Variants in ALPK2 observed in about 807,000 individuals in gnomAD.
ALPK2 encodes alpha kinase 2.
Under a neutral mutation model 163.1 loss-of-function variants are expected in ALPK2, and 127 were observed. That is an observed-to-expected ratio of 0.78 (90% CI 0.67 to 0.90). ALPK2 has a LOEUF of 0.90. ALPK2 is among the 40% of genes least tolerant of loss of function. ALPK2 has a pLI of 0.00. For synonymous variants in ALPK2, 953 were observed against 959.1 expected (o/e 0.99, Z 0.12); for missense variants, 2,360 against 2,589.6 (o/e 0.91, Z 1.92).
At chr18:58,550,497 A>C (rs377090268) in intron 4 of ALPK2, among the ~76,000 whole-genome samples, 3 of 4,012 alleles carry the variant, frequency 7.5e-4, no homozygotes, top group African/African-American at 1.3e-3. Flanking sequence ...ACCCCCATCT[A>C]TATCATATAC....
chr18:58,495,032 G>T (rs994094995), intron 12 of ALPK2, among the ~76,000 whole-genome samples: 1 of 104,324 alleles, frequency 9.6e-6, no homozygotes, highest in Admixed American at 1.1e-4. Flanking sequence ...CAAGCAGGCT[G>T]CCCCATGCCC....
At chr18:58,503,482 A>G (rs1181475462) in intron 11 of ALPK2, among the ~76,000 whole-genome samples, 3 of 152,226 alleles carry the variant, frequency 2.0e-5, no homozygotes, top group Non-Finnish European at 2.9e-5. Flanking sequence ...GCTAGAGCCC[A>G]GTAGTTCGAG....
chr18:58,542,331 CCTT>C lies in ALPK2; in HGVS notation c.1963-4110_1963-4108del, dbSNP rs1273454324. 6.6e-5 allele frequency among the ~76,000 whole-genome samples: 10 copies of C among 152,226 alleles called. No homozygotes were observed. The South Asian group carries it at 1.5e-3, about 22-fold the overall frequency. On this transcript the variant is annotated intron_variant, in intron 4 of 12. Coordinates refer to ENST00000361673, the MANE Select transcript of ALPK2 (RefSeq NM_052947.4). ...GCACTCACTCACTGATACTAATTTT[CCTT>C]CTTCTCTGTGAAAAAACAGCAGTAG... is the stretch of plus-strand genomic sequence containing the variant.
At chr18:58,587,182 C>G (rs2051991653) in intron 3 of ALPK2, among the ~76,000 whole-genome samples, 1 of 152,154 alleles carries the variant, frequency 6.6e-6, no homozygotes, top group Non-Finnish European at 1.5e-5. Context: ...AATCTCTGTC[C>G]AGTCATTAGC....
chr18:58,533,630 AT>A (rs1555667721), intron 5 of ALPK2, among the ~76,000 whole-genome samples: 1 of 150,758 alleles, frequency 6.6e-6, no homozygotes, highest in South Asian at 2.1e-4. Context: ...AATTTTTTGT[AT>A]TTTTCGTAGA....
In ALPK2 at chr18:58,513,037, G is replaced by A. The variant is rs529373659; in HGVS notation, c.6029+1956C>T. ...GGGGTGTGTGTGGTGTGTGGTTTGT[G>A]TGTGGTGTGGTGTGTTTGTGCATAT... On this transcript the variant is annotated intron_variant, in intron 10 of 12. Coordinates refer to ENST00000361673, the MANE Select transcript of ALPK2 (RefSeq NM_052947.4). Among the ~76,000 whole-genome samples the A allele has an allele frequency of 6.6e-3, 919 of 138,514 alleles. 4 individuals are homozygous for A. Among genetic ancestry groups the A allele is most frequent in the South Asian group, 0.014 (60 of 4,142 alleles). 90.9% of individuals were successfully genotyped at this position (138,514 alleles called of 152,430 possible).
intron 4 of ALPK2, among the ~76,000 whole-genome samples, chr18:58,577,756 CT>C (rs776093898): frequency 3.9e-5 from 6 of 152,134 alleles, no homozygotes; most frequent in Non-Finnish European, 7.4e-5. Context: ...TTTAGATTGG[CT>C]TTTTTATGAC....
At position 58,536,615 on chromosome 18, in the gene ALPK2, G is replaced by T. The variant is rs532039083; in HGVS notation, c.3572C>A (p.Thr1191Lys). The T allele has an allele frequency of 1.2e-6, 2 of 1,613,946 alleles. No homozygotes were observed. Among genetic ancestry groups the T allele is most frequent in the South Asian group, 1.1e-5 (1 of 91,070 alleles). Residue 1191 changes from threonine to lysine, a missense_variant, in exon 5 of 13, where the codon ACG (threonine) becomes AAG (lysine). By Grantham distance (78) the Thr-to-Lys change is moderately conservative (BLOSUM62 -1). Coordinates refer to ENST00000361673, the MANE Select transcript of ALPK2 (RefSeq NM_052947.4). ...EGAGQRSGWG[T>K]RVSVVAETAG... ...AGTTTCAGCCACCACGGAGACCCTC[G>T]TCCCCCAACCTGAGCGCTGCCCTGC...
chr18:58,538,359 C>G (rs1000080308), intron 4 of ALPK2, 135 bp from the exon 5 acceptor site: 14 of 823,340 alleles, frequency 1.7e-5, no homozygotes, highest in African/African-American at 3.4e-5. Context: ...AAACATTAAT[C>G]CCCCAACTCC....
intron 1 of ALPK2, among the ~76,000 whole-genome samples, chr18:58,614,677 G>GCCT (rs35477360): frequency 0.17 from 25,179 of 151,334 alleles, 2,560 homozygotes; most frequent in South Asian, 0.25. Context: ...TCCCACCTCA[G>GCCT]CCTCCTGAGT....
At chr18:58,534,338 A>C (rs2051631670) in intron 5 of ALPK2, among the ~76,000 whole-genome samples, 1 of 152,208 alleles carries the variant, frequency 6.6e-6, no homozygotes, top group Non-Finnish European at 1.5e-5. Context: ...GTTATTTTTA[A>C]TGAAAAATCA....
intron 10 of ALPK2, among the ~76,000 whole-genome samples, chr18:58,512,937 GGT>G (rs1454633958): frequency 8.0e-6 from 1 of 125,100 alleles, no homozygotes. Context: ...GGGTGTGTGG[GGT>G]GTGTGGTGTG....
chr18:58,500,857 A>T (rs1434606963), intron 11 of ALPK2, among the ~76,000 whole-genome samples: 3 of 152,096 alleles, frequency 2.0e-5, no homozygotes, highest in Non-Finnish European at 4.4e-5. Context: ...AAGGCGTGGT[A>T]GTCTCACCAG....
chr18:58,508,098 T>C (rs902708100), intron 10 of ALPK2, among the ~76,000 whole-genome samples: 4 of 152,202 alleles, frequency 2.6e-5, no homozygotes, highest in African/African-American at 9.7e-5. Context: ...TCTGGTCTTG[T>C]GGCCTTCACC....
At chr18:58,593,852 T>G (rs1478685973) in intron 3 of ALPK2, among the ~76,000 whole-genome samples, 1 of 150,528 alleles carries the variant, frequency 6.6e-6, no homozygotes, top group Non-Finnish European at 1.5e-5. Context: ...CACTCCAGCC[T>G]GGGCAACAGA....
chr18:58,517,276 G>T, intron 8 of ALPK2, 94 bp from the exon 9 acceptor site: 2 of 1,343,146 alleles, frequency 1.5e-6, no homozygotes, highest in South Asian at 1.4e-5. Flanking sequence ...TAAGGACAAT[G>T]ACAAGGCTGA....
At chr18:58,513,600 G>A (rs1054251318) in intron 10 of ALPK2, among the ~76,000 whole-genome samples, 2 of 152,174 alleles carry the variant, frequency 1.3e-5, no homozygotes, top group Admixed American at 6.5e-5. Flanking sequence ...AAATTTGCCA[G>A]GCATGGTGGC....
chr18:58,509,831 G>C (rs1274759283), intron 10 of ALPK2, among the ~76,000 whole-genome samples: 11 of 150,774 alleles, frequency 7.3e-5, no homozygotes, highest in African/African-American at 2.7e-4. Context: ...CCATGCTGTA[G>C]GTTGCCTGTT....
intron 4 of ALPK2, among the ~76,000 whole-genome samples, chr18:58,541,168 C>T (rs979607037): frequency 1.8e-4 from 28 of 152,346 alleles, no homozygotes; most frequent in Middle Eastern, 3.4e-3. Context: ...ACGGTTCCAC[C>T]GGCTATACAG....
Sources: allele counts gnomAD v4.1 joint callset (sites outside exome capture counted in the v4.1 genomes callset), GRCh38; gene constraint gnomAD v4.1.1; transcripts MANE v1.5; gene names NCBI Gene and HGNC (gene_info 2026-07-23, HGNC 2026-07-21).